The following LOC128706666 variants were observed in gnomAD, a reference collection of about 807,000 sequenced individuals.
chr20:10,416,255 AAAATAC>A, the LOC128706666 span, among the ~76,000 whole-genome samples: 1 of 152,332 alleles, frequency 6.6e-6, no homozygotes, highest in South Asian at 2.1e-4. Context: ...TGATTTAAAG[AAAATAC>A]AAACAGGTGA....
At chr20:10,430,804 G>T in the LOC128706666 span, among the ~76,000 whole-genome samples, 1 of 152,214 alleles carries the variant, frequency 6.6e-6, no homozygotes, top group Non-Finnish European at 1.5e-5. Flanking sequence ...AAAATTTCAT[G>T]TATGTTTCTC....
chr20:10,420,732 G>A, the LOC128706666 span: 1 of 152,138 alleles, frequency 6.6e-6, no homozygotes, highest in Non-Finnish European at 1.5e-5. Flanking sequence ...AGTTCCGAAG[G>A]CTCATAGTAC....
chr20:10,433,941 C>A, the LOC128706666 span, among the ~76,000 whole-genome samples: 9 of 152,210 alleles, frequency 5.9e-5, no homozygotes, highest in African/African-American at 2.2e-4. Flanking sequence ...GTCGGTCTTT[C>A]GCCTCCTACA....
chr20:10,432,205 A>C, the LOC128706666 span, among the ~76,000 whole-genome samples: 4 of 152,330 alleles, frequency 2.6e-5, no homozygotes, highest in Admixed American at 2.6e-4. Context: ...CCAACCCAGC[A>C]CTAGAGTTCC....
the LOC128706666 span, among the ~76,000 whole-genome samples, chr20:10,414,422 T>C: frequency 6.6e-6 from 1 of 152,054 alleles, no homozygotes; most frequent in Non-Finnish European, 1.5e-5. Flanking sequence ...TGCGCCACCA[T>C]GCCCAGCTAA....
chr20:10,424,409 A>G, the LOC128706666 span, among the ~76,000 whole-genome samples: 1 of 152,058 alleles, frequency 6.6e-6, no homozygotes, highest in African/African-American at 2.4e-5. Context: ...GAAAAAACAT[A>G]TATTTTTAAA....
At chr20:10,424,248 T>TA in the LOC128706666 span, among the ~76,000 whole-genome samples, 1 of 151,300 alleles carries the variant, frequency 6.6e-6, no homozygotes. Flanking sequence ...GAAAAAAATA[T>TA]ATATTAAATA....
the LOC128706666 span, among the ~76,000 whole-genome samples, chr20:10,422,944 C>T: frequency 1.3e-5 from 2 of 152,066 alleles, no homozygotes; most frequent in African/African-American, 4.8e-5. Context: ...ATCTCCTGAC[C>T]TTGCGATCCG....
the LOC128706666 span, among the ~76,000 whole-genome samples, chr20:10,426,727 GTA>G: frequency 6.6e-6 from 1 of 152,146 alleles, no homozygotes; most frequent in African/African-American, 2.4e-5. Flanking sequence ...TTCATGTCAG[GTA>G]TATAAAAGGT....
the LOC128706666 span, among the ~76,000 whole-genome samples, chr20:10,419,513 A>G: frequency 1.3e-5 from 2 of 152,216 alleles, no homozygotes; most frequent in African/African-American, 4.8e-5. Flanking sequence ...GATATGTTCC[A>G]AGACCACCCA....
At chr20:10,429,029 C>T in the LOC128706666 span, among the ~76,000 whole-genome samples, 1 of 152,108 alleles carries the variant, frequency 6.6e-6, no homozygotes, top group Non-Finnish European at 1.5e-5. Context: ...CTATTTTTCT[C>T]CACTGAAAAG....
At chr20:10,427,703 T>C in the LOC128706666 span, among the ~76,000 whole-genome samples, 2 of 152,224 alleles carry the variant, frequency 1.3e-5, no homozygotes, top group African/African-American at 4.8e-5. Flanking sequence ...AACAGAACAA[T>C]CGTTTTCCTT....
chr20:10,423,003 G>A, the LOC128706666 span, among the ~76,000 whole-genome samples: 2 of 151,954 alleles, frequency 1.3e-5, no homozygotes, highest in Non-Finnish European at 2.9e-5. Flanking sequence ...GAGCCACTGC[G>A]CCCGGCCCTT....
the LOC128706666 span, among the ~76,000 whole-genome samples, chr20:10,425,473 C>A: frequency 1.3e-5 from 2 of 152,154 alleles, no homozygotes; most frequent in African/African-American, 4.8e-5. Flanking sequence ...TTCAAATGAA[C>A]TTGACAAGAA....
chr20:10,415,381 G>C, the LOC128706666 span, among the ~76,000 whole-genome samples: 1 of 152,100 alleles, frequency 6.6e-6, no homozygotes, highest in African/African-American at 2.4e-5. Flanking sequence ...CAAAGAGGTG[G>C]GCAGAACAAG....
chr20:10,427,689 G>A, the LOC128706666 span, among the ~76,000 whole-genome samples: 4 of 152,126 alleles, frequency 2.6e-5, no homozygotes, highest in Admixed American at 6.6e-5. Flanking sequence ...GAACTGACAT[G>A]GTAAACAGAA....
chr20:10,415,667 T>C, the LOC128706666 span, among the ~76,000 whole-genome samples: 1 of 152,252 alleles, frequency 6.6e-6, no homozygotes, highest in African/African-American at 2.4e-5. Context: ...GACTTCTATA[T>C]GTTAATTTGC....
At chr20:10,433,550 T>C in the LOC128706666 span, among the ~76,000 whole-genome samples, 2 of 152,170 alleles carry the variant, frequency 1.3e-5, no homozygotes, top group African/African-American at 4.8e-5. Context: ...CAACAGGATT[T>C]GGGTATGGTC....
the LOC128706666 span, among the ~76,000 whole-genome samples, chr20:10,429,930 T>G: frequency 6.6e-6 from 1 of 152,228 alleles, no homozygotes; most frequent in Non-Finnish European, 1.5e-5. Flanking sequence ...GTGTTTTAAT[T>G]AATTCTTTAG....
Sources: gnomAD v4.1 joint callset for allele counts (sites outside exome capture counted in the v4.1 genomes callset) on GRCh38, gnomAD v4.1.1 for gene constraint, MANE v1.5 for transcripts.